The following MTCL1 variants were observed in gnomAD, a reference collection of about 807,000 sequenced individuals.
The protein encoded by MTCL1 is microtubule cross-linking factor 1.
In MTCL1, 79 loss-of-function variants were observed where a neutral mutation model predicts 141.4. The ratio of observed to expected loss-of-function variants is 0.56; its 90% CI spans 0.47 to 0.67. The LOEUF (loss-of-function observed/expected upper bound fraction) is 0.67. MTCL1 is among the 30% of genes least tolerant of loss of function. MTCL1 has a pLI of 0.00. For synonymous variants in MTCL1, 914 were observed against 875.8 expected, an observed-to-expected ratio of 1.04 and a Z score of -0.77; for missense variants, 2,177 against 2,113.9, an observed-to-expected ratio of 1.03 and a Z score of -0.59.
chr18:8,820,167 T>C (rs1356275448), intron 13 of MTCL1, among the ~76,000 whole-genome samples: 1 of 152,026 alleles, frequency 6.6e-6, no homozygotes, highest in African/African-American at 2.4e-5. Flanking sequence ...CCCAGCACTT[T>C]GGGAGGCCGA....
chr18:8,738,629 T>G (rs117030444), intron 4 of MTCL1, among the ~76,000 whole-genome samples: 1 of 152,316 alleles, frequency 6.6e-6, no homozygotes, highest in Non-Finnish European at 1.5e-5. Flanking sequence ...TCTTTTGAGT[T>G]TCTCTTCCTT....
chr18:8,734,757 G>A (rs535457561), intron 4 of MTCL1, among the ~76,000 whole-genome samples: 15 of 152,292 alleles, frequency 9.8e-5, no homozygotes, highest in African/African-American at 3.6e-4. Flanking sequence ...TGGCTGCACG[G>A]TAGCATCCCT....
chr18:8,828,920 T>G lies in MTCL1; in HGVS notation c.4735T>G (p.Leu1579Val), dbSNP rs144186015. ...CTGTTCTGTCCAGAACCAAACTGTC[T>G]TGCTAACTGCCCCCTGGGGACTCTA... The change falls in exon 16 of 17, where the codon TTG (leucine) becomes GTG (valine). Residue 1579 changes from leucine (L) to valine (V), a missense_variant. By Grantham distance (32) the Leu-to-Val change is conservative. Transcript: ENST00000359865. This position sits in a 1 kb window ranked among gnomAD's most constrained non-coding sequence, Gnocchi z 5.2. 8.1e-5 allele frequency: 130 copies of G among 1,614,260 alleles called. No individual in the cohort carries two copies. In the African/African-American group the frequency reaches 1.6e-3, roughly 19 times the overall value.
chr18:8,770,764 C>T (rs1422806881), intron 4 of MTCL1, among the ~76,000 whole-genome samples: 1 of 152,132 alleles, frequency 6.6e-6, no homozygotes, highest in African/African-American at 2.4e-5. Context: ...GTGCTCTTAA[C>T]AAGGCCAAGG....
chr18:8,777,526 G>A (rs759896232), intron 4 of MTCL1, among the ~76,000 whole-genome samples: 1 of 152,182 alleles, frequency 6.6e-6, no homozygotes, highest in African/African-American at 2.4e-5. Context: ...TCTCTGCACT[G>A]TTAAAGTTAT....
intron 4 of MTCL1, among the ~76,000 whole-genome samples, chr18:8,728,720 CTTTTTTTTT>C (rs34524200): frequency 2.8e-3 from 168 of 59,078 alleles, no homozygotes; most frequent in African/African-American, 0.011. Flanking sequence ...GTTGTCCATT[CTTTTTTTTT>C]TTTTTTTTTT....
intron 3 of MTCL1, 55 bp downstream of exon 2, chr18:8,718,703 AC>A: frequency 6.6e-7 from 1 of 1,525,456 alleles, no homozygotes; most frequent in Non-Finnish European, 9.1e-7. Context: ...CCGGCTGGCC[AC>A]ATGCACGTTG....
Position 8,797,984 on chromosome 18 carries a change from G to A in MTCL1, c.2242-113G>A, listed in dbSNP as rs1568058060. ...GCATTTTAGGGGTAAGGACTGAGAA[G>A]TATAGGCGTTGATAATCCATAAAGT... On this transcript the variant is annotated intron_variant, in intron 9 of 16. Transcript: ENST00000359865. The A allele has an allele frequency of 1.3e-5, 14 of 1,053,610 alleles. No homozygotes were observed. The East Asian group carries it at 3.8e-4, about 29-fold the overall frequency. 65.3% of individuals were successfully genotyped at this position (1,053,610 alleles called of 1,614,324 possible). A position where few individuals can be genotyped will look rare whatever the true frequency, so the allele number is the denominator to read the frequency against.
chr18:8,828,392 G>A lies in MTCL1; in HGVS notation c.4723-516G>A, dbSNP rs1221972946. Reference sequence around the variant, plus strand: ...CAGAGAGAAGCCGTGAGGAGTTCCGGTGTGAAGAGAAAGAATCTGAAAATG... The same window carrying A: ...CAGAGAGAAGCCGTGAGGAGTTCCGATGTGAAGAGAAAGAATCTGAAAATG... On this transcript the variant is annotated intron_variant, in intron 15 of 16. Coordinates refer to ENST00000359865, the Ensembl canonical transcript of MTCL1. The surrounding 1 kb of genome is among the most constrained non-coding windows in gnomAD (Gnocchi z 5.2). 1.3e-5 allele frequency among the ~76,000 whole-genome samples: 2 copies of A among 152,172 alleles called. No individual in the cohort carries two copies. The highest frequency in any genetic ancestry group is 2.9e-5 in the Non-Finnish European group (2 of 68,032).
chr18:8,815,858 T>C (rs528591211), intron 12 of MTCL1, among the ~76,000 whole-genome samples: 2 of 152,296 alleles, frequency 1.3e-5, no homozygotes, highest in South Asian at 2.1e-4. Flanking sequence ...GTTTCGGGCA[T>C]GCATCTGTTC....
At chr18:8,805,214 A>C (rs1417938778) in intron 10 of MTCL1, among the ~76,000 whole-genome samples, 1 of 152,020 alleles carries the variant, frequency 6.6e-6, no homozygotes, top group Non-Finnish European at 1.5e-5. Flanking sequence ...TCACCTAAGT[A>C]GTGAACATAG....
intron 4 of MTCL1, among the ~76,000 whole-genome samples, chr18:8,737,109 G>A (rs2096278354): frequency 6.6e-6 from 1 of 152,158 alleles, no homozygotes; most frequent in Non-Finnish European, 1.5e-5. Flanking sequence ...AGCTGCACTG[G>A]ATATTGCCTG....
intron 4 of MTCL1, among the ~76,000 whole-genome samples, chr18:8,754,158 C>T (rs2096385673): frequency 6.6e-6 from 1 of 152,148 alleles, no homozygotes. Context: ...GCAACCTTTA[C>T]ATCCTGAGTT....
At chr18:8,720,443 G>A in exon 4 of MTCL1, 1 of 1,614,090 alleles carries the variant, frequency 6.2e-7, no homozygotes, top group Non-Finnish European at 8.5e-7. Flanking sequence ...GCAGATGATT[G>A]AAGTGGAAAT....
At chr18:8,758,020 C>CTTT (rs1162855433) in intron 4 of MTCL1, among the ~76,000 whole-genome samples, 1 of 126,872 alleles carries the variant, frequency 7.9e-6, no homozygotes, top group Admixed American at 8.0e-5. Context: ...AGCACCCAGT[C>CTTT]TTTTTTTTTT....
At chr18:8,818,232 C>T (rs886788247) in intron 12 of MTCL1, among the ~76,000 whole-genome samples, 21 of 152,186 alleles carry the variant, frequency 1.4e-4, no homozygotes, top group Non-Finnish European at 1.5e-4. Context: ...GCAAGCCACA[C>T]GTTAATGGTT....
chr18:8,788,885 G>T (rs2075618328), intron 7 of MTCL1, among the ~76,000 whole-genome samples: 1 of 152,204 alleles, frequency 6.6e-6, no homozygotes, highest in South Asian at 2.1e-4. Flanking sequence ...CTCTTCTCAG[G>T]AGATATTAGC....
chr18:8,706,057 G>C (rs2096057598), exon 1 of MTCL1: 2 of 1,189,562 alleles, frequency 1.7e-6, no homozygotes, highest in African/African-American at 3.2e-5. Flanking sequence ...CAGGAGGGCG[G>C]CGCGCGTGGC....
intron 11 of MTCL1, 147 bp from the exon 11 acceptor site, chr18:8,812,832 T>C (rs2076532160): frequency 9.6e-7 from 1 of 1,043,694 alleles, no homozygotes; most frequent in Non-Finnish European, 1.4e-6. Flanking sequence ...AATTAGGACT[T>C]TAAAAATAAA....
Sources: gnomAD v4.1 joint callset for allele counts (sites outside exome capture counted in the v4.1 genomes callset) on GRCh38, gnomAD v4.1.1 for gene constraint, Gnocchi (gnomAD v3.1) non-coding constraint, MANE v1.5 for transcripts, NCBI Gene and HGNC (gene_info 2026-07-23, HGNC 2026-07-21) for gene names.